The following LYST variants were observed in gnomAD, a reference collection of about 807,000 sequenced individuals.
LYST encodes the protein lysosomal trafficking regulator.
LYST carries 192 observed loss-of-function variants against 413.6 expected under a neutral mutation model. The observed-to-expected ratio is 0.46, with a 90% CI of 0.41 to 0.52. The LOEUF is 0.52. Ranked by LOEUF, LYST falls within the 20% of genes least tolerant of loss-of-function variation. The pLI is 0.00. For synonymous variants in LYST, 1,525 were observed against 1,567.3 expected, an observed-to-expected ratio of 0.97 and a Z score of 0.64; for missense variants, 3,815 against 4,499.9, an observed-to-expected ratio of 0.85 and a Z score of 4.35.
Position 235,830,224 on chromosome 1 carries a change from A to G in LYST, c.192+2T>C, listed in dbSNP as rs1157219727. ...AGTAAGTATTTGATATAAAAATGTTACCTGATCAATTATAGAATTTAGCTT... is the reference window on the plus strand; with the variant it reads ...AGTAAGTATTTGATATAAAAATGTTGCCTGATCAATTATAGAATTTAGCTT... On this transcript the variant is annotated splice_donor_variant, in intron 3 of 52. Coordinates refer to ENST00000389793, the MANE Select transcript of LYST (RefSeq NM_000081.4). LOFTEE classifies it high-confidence loss of function. 5 of 1,600,460 alleles carry G rather than the reference A, an allele frequency of 3.1e-6. No homozygotes were observed. The highest frequency in any genetic ancestry group is 4.3e-6 in the Non-Finnish European group (5 of 1,167,718).
chr1:235,665,612 C>CAAA (rs1285165106), intron 50 of LYST, among the ~76,000 whole-genome samples: 36,931 of 80,858 alleles, frequency 0.46, 8,470 homozygotes, highest in Non-Finnish European at 0.59. Flanking sequence ...GACTCTATCT[C>CAAA]AAAAAAAAAA....
chr1:235,787,431 T>A, intron 13 of LYST, 58 bp from the exon 14 acceptor site: 1 of 1,248,876 alleles, frequency 8.0e-7, no homozygotes, highest in East Asian at 2.3e-5. Context: ...CCTCAGTGTT[T>A]AACATACATA....
rs66890524 is a variant in LYST, at chr1:235,666,225, T to TACACACAC, written c.11039-1612_11039-1605dup. Among the ~76,000 whole-genome samples, 21 of 136,012 alleles carry TACACACAC rather than the reference T, an allele frequency of 1.5e-4. No individual in the cohort carries two copies. The East Asian group carries it at 1.8e-3, about 12-fold the overall frequency. The allele number at this position is 136,012 out of a possible 152,430, so 89.2% of individuals were successfully genotyped here. A position where few individuals can be genotyped will look rare whatever the true frequency, so the allele number is the denominator to read the frequency against. On this transcript the variant is annotated intron_variant, in intron 50 of 52. Transcript: ENST00000389793. ...GCATAAACAAAATGCAGTATGTACA[T>TACACACAC]ACACACACACACACACACACACACA... is the stretch of plus-strand genomic sequence containing the variant.
At chr1:235,789,992 G>A (rs1312750599) in intron 12 of LYST, among the ~76,000 whole-genome samples, 1 of 152,028 alleles carries the variant, frequency 6.6e-6, no homozygotes, top group Non-Finnish European at 1.5e-5. Context: ...TAGTTTAGAG[G>A]TAAAAGGTAT....
intron 1 of LYST, among the ~76,000 whole-genome samples, chr1:235,880,461 G>C (rs558233192): frequency 6.6e-6 from 1 of 152,172 alleles, no homozygotes; most frequent in African/African-American, 2.4e-5. Flanking sequence ...ATTTGACACC[G>C]TCATAACAGT....
chr1:235,736,099 C>T (rs990204180), intron 31 of LYST: 2 of 152,006 alleles, frequency 1.3e-5, no homozygotes, highest in South Asian at 2.1e-4. Flanking sequence ...TTTTCTTAAA[C>T]GCTTAAGTTG....
intron 50 of LYST, among the ~76,000 whole-genome samples, chr1:235,667,773 C>G (rs1269393378): frequency 6.6e-6 from 1 of 152,112 alleles, no homozygotes; most frequent in Non-Finnish European, 1.5e-5. Flanking sequence ...AGCGATTCTC[C>G]TGCCTCAGCC....
chr1:235,793,044 A>G (rs1455934602), intron 11 of LYST, among the ~76,000 whole-genome samples: 3 of 152,198 alleles, frequency 2.0e-5, no homozygotes, highest in African/African-American at 7.2e-5. Flanking sequence ...CTTCTAGTCA[A>G]GGTTTCATTA....
chr1:235,735,982 A>G (rs1462458597), intron 31 of LYST: 1 of 152,174 alleles, frequency 6.6e-6, no homozygotes, highest in Non-Finnish European at 1.5e-5. Flanking sequence ...TGATCTTGAT[A>G]TAACTTTAAA....
chr1:235,871,774 T>C (rs1208326929), upstream of LYST, among the ~76,000 whole-genome samples: 1 of 152,212 alleles, frequency 6.6e-6, no homozygotes, highest in Non-Finnish European at 1.5e-5. Flanking sequence ...CCCTGAATTC[T>C]TTCCTGTGCA....
At chr1:235,772,818 T>C (rs1343818281) in intron 19 of LYST, among the ~76,000 whole-genome samples, 2 of 152,168 alleles carry the variant, frequency 1.3e-5, no homozygotes, top group Non-Finnish European at 2.9e-5. Flanking sequence ...AGCCTTCAGC[T>C]GATCCAGATA....
intron 50 of LYST, among the ~76,000 whole-genome samples, chr1:235,675,475 C>T (rs544827904): frequency 8.1e-4 from 124 of 152,236 alleles, no homozygotes; most frequent in African/African-American, 2.6e-3. Flanking sequence ...GTCGGTCGGA[C>T]GCAGGCAGCA....
At position 235,723,976 on chromosome 1, in the gene LYST, G is replaced by C. The variant is rs6667717; in HGVS notation, c.9315+52C>G. ...TGTAATCAGTATGAGTATAGTTACA[G>C]TGGCCCATGAGCACTTAAACAATAT... On this transcript the variant is annotated intron_variant, in intron 39 of 52. Transcript: ENST00000389793. The C allele has an allele frequency of 4.1e-6, 6 of 1,446,302 alleles. No homozygotes were observed. In the Admixed American group the frequency reaches 1.0e-4, roughly 24 times the overall value. The allele number at this position is 1,446,302 out of a possible 1,614,324, so 89.6% of individuals were successfully genotyped here.
Position 235,791,700 on chromosome 1 carries a change from TG to T in LYST, c.4541del (p.Thr1514LysfsTer12). On this transcript the variant is annotated frameshift_variant and splice_region_variant, in exon 12 of 53. Coordinates refer to ENST00000389793, the MANE Select transcript of LYST (RefSeq NM_000081.4). LOFTEE classifies it high-confidence loss of function. ...AATCAGATAATCCTGTCATCATACC[TG>T]TACCATCAAAACTGCTATCTGGTAA... ...LILPDSSFDG[T>X]ESDRPEGAEY... The T allele has an allele frequency of 6.2e-7, 1 of 1,606,960 alleles. No homozygotes were observed. The highest frequency in any genetic ancestry group is 1.1e-5 in the South Asian group (1 of 90,842).
At chr1:235,719,627 T>TTAA (rs1553272262) in intron 40 of LYST, among the ~76,000 whole-genome samples, 1 of 137,002 alleles carries the variant, frequency 7.3e-6, no homozygotes, top group African/African-American at 2.7e-5. Context: ...TGCAGAATGA[T>TTAA]AAAAAAAAAA....
chr1:235,747,371 A>G, intron 28 of LYST: 1 of 333,076 alleles, frequency 3.0e-6, no homozygotes, highest in Non-Finnish European at 6.2e-6. Context: ...AATTTCTATA[A>G]ATAACCTCTA....
chr1:235,829,489 A>G (rs907958445), intron 3 of LYST: 6 of 152,216 alleles, frequency 3.9e-5, no homozygotes, highest in African/African-American at 1.4e-4. Context: ...TAACTATATT[A>G]ATTAGTTCCC....
intron 1 of LYST, among the ~76,000 whole-genome samples, chr1:235,837,445 T>C (rs1051094001): frequency 2.6e-5 from 4 of 151,956 alleles, no homozygotes; most frequent in Non-Finnish European, 4.4e-5. Flanking sequence ...CTGGGCAACA[T>C]GGCGAAATCC....
chr1:235,782,419 C>T (rs184623453), intron 14 of LYST, among the ~76,000 whole-genome samples: 7 of 151,998 alleles, frequency 4.6e-5, no homozygotes, highest in South Asian at 4.2e-4. Context: ...ATGATCCACC[C>T]GCCTTGGCCT....
Sources: allele counts gnomAD v4.1 joint callset (sites outside exome capture counted in the v4.1 genomes callset), GRCh38; gene constraint gnomAD v4.1.1; transcripts MANE v1.5; gene names NCBI Gene and HGNC (gene_info 2026-07-23, HGNC 2026-07-21).